PLCH1: variants seen among roughly 807,000 people sequenced by gnomAD.
PLCH1 encodes 1-phosphatidylinositol 4,5-bisphosphate phosphodiesterase eta-1.
A neutral mutation model predicts 126.7 loss-of-function variants in PLCH1; 60 were observed. That is an observed-to-expected ratio of 0.47 (90% CI 0.38 to 0.59). The LOEUF is 0.59. Ranked by LOEUF, PLCH1 falls within the 20% of genes least tolerant of loss-of-function variation. The pLI, the probability that PLCH1 is intolerant of heterozygous loss-of-function variation, is 0.00. For missense variants in PLCH1, 1,723 were observed against 2,040.0 expected, an observed-to-expected ratio of 0.84 and a Z score of 2.99; for synonymous variants, 719 against 734.9, an observed-to-expected ratio of 0.98 and a Z score of 0.35.
At chr3:155,734,899 C>T (rs370277525) in intron 1 of PLCH1, among the ~76,000 whole-genome samples, 1 of 151,906 alleles carries the variant, frequency 6.6e-6, no homozygotes, top group Admixed American at 6.6e-5. Flanking sequence ...TTAGTAGTGA[C>T]GGGGTTTCAC....
Position 155,481,024 on chromosome 3 carries a change from G to A in PLCH1, c.5002C>T (p.Gln1668Ter). 1 of 1,610,396 alleles carries A rather than the reference G, an allele frequency of 6.2e-7. No individual in the cohort carries two copies. The highest frequency in any genetic ancestry group is 8.5e-7 in the Non-Finnish European group (1 of 1,176,876). ...TTATCATCACTGCTTGGCTCAGTCT[G>A]CAAAACAGAATTATCTGAACAAAAC... ...DQFCSDNSVLQTEPSSDDKPE... is the reference protein window; with the variant it reads ...DQFCSDNSVL The change falls in exon 23 of 23, where the codon CAG (glutamine) becomes TAG (stop). Residue 1668 changes from glutamine to a stop codon, truncating the protein, a stop_gained. Coordinates refer to ENST00000460012, the MANE Select transcript of PLCH1 (RefSeq NM_014996.4). LOFTEE classifies it high-confidence loss of function. This position sits in a 1 kb window ranked among gnomAD's most constrained non-coding sequence, Gnocchi z 4.2.
Position 155,494,188 on chromosome 3 carries a change from G to T in PLCH1, c.2135C>A (p.Ala712Glu). Reference sequence around the variant, plus strand: ...GAGGACATAGCCACAATTGCCATTTGCCTTGAATTTGGCTCGGTTTAACTG... The same window carrying T: ...GAGGACATAGCCACAATTGCCATTTTCCTTGAATTTGGCTCGGTTTAACTG... Reference protein sequence around the residue: ...MMQLNRAKFKANGNCGYVLKP... With the variant: ...MMQLNRAKFKENGNCGYVLKP... Residue 712 changes from alanine to glutamate, a missense_variant, in exon 17 of 23, where the codon GCA becomes GAA. This residue lies in a region of PLCH1 where 776 missense variants were observed against 1,062.9 expected (regional missense o/e 0.73). Transcript: ENST00000460012. 1 of 1,614,126 alleles carries T rather than the reference G, an allele frequency of 6.2e-7. No homozygotes were observed. Among genetic ancestry groups the T allele is most frequent in the South Asian group, 1.1e-5 (1 of 91,088 alleles).
intron 20 of PLCH1, among the ~76,000 whole-genome samples, 177 bp from the exon 21 acceptor site, chr3:155,488,284 G>A (rs971502273): frequency 1.8e-4 from 27 of 151,758 alleles, no homozygotes; most frequent in African/African-American, 4.6e-4. Context: ...TGCAAACCCC[G>A]CCTCCTGGGT....
intron 6 of PLCH1, among the ~76,000 whole-genome samples, chr3:155,577,019 T>C (rs1159947637): frequency 6.6e-6 from 1 of 152,178 alleles, no homozygotes; most frequent in African/African-American, 2.4e-5. Flanking sequence ...TGGTGGCATA[T>C]TTTTTAATCT....
chr3:155,624,222 A>C (rs1352103023), intron 2 of PLCH1, among the ~76,000 whole-genome samples: 1 of 152,226 alleles, frequency 6.6e-6, no homozygotes, highest in East Asian at 1.9e-4. Flanking sequence ...AAAAACTCTC[A>C]ATAAACTAGG....
intron 2 of PLCH1, among the ~76,000 whole-genome samples, chr3:155,699,622 C>T (rs1746109500): frequency 6.6e-6 from 1 of 152,182 alleles, no homozygotes; most frequent in Non-Finnish European, 1.5e-5. Flanking sequence ...AACCCTAATT[C>T]ACTTTTGCAT....
At position 155,504,597 on chromosome 3, in the gene PLCH1, T is replaced by C. The variant is rs374422972; in HGVS notation, c.1662A>G (p.Lys554=). Residue 554 remains lysine (K), a synonymous_variant, in exon 13 of 23, where the codon AAA becomes AAG. Transcript: ENST00000460012. ...TGGTCATGAGGGATCGTCCATGTGA[T>C]TTCTTTCCACTTTCCTTTACATCTG... is the stretch of plus-strand genomic sequence containing the variant. ...QSPDVKESGK[K]SHGRSLMTNF... 10 of 1,607,802 alleles carry C rather than the reference T, an allele frequency of 6.2e-6. No homozygotes were observed. Among genetic ancestry groups the C allele is most frequent in the Middle Eastern group, 1.7e-4 (1 of 6,038 alleles).
intron 2 of PLCH1, among the ~76,000 whole-genome samples, chr3:155,652,403 G>C (rs1260098819): frequency 6.6e-6 from 1 of 152,154 alleles, no homozygotes; most frequent in Non-Finnish European, 1.5e-5. Context: ...GGACAAATCT[G>C]ACTCAATCTG....
At position 155,481,139 on chromosome 3, in the gene PLCH1, G is replaced by A; in HGVS notation, c.4887C>T (p.Gly1629=). ...CACCCCCTTTCGTGTTCTTCAGGTA[G>A]CCTGCGATGTAGGAGCCGGTGGAGT... The part of the protein sequence containing the change: ...NRHSTGSYIA[G]YLKNTKGGGL... The change falls in exon 23 of 23, where the codon GGC becomes GGT. Residue 1629 remains glycine (G), a synonymous_variant. Coordinates refer to ENST00000460012, the MANE Select transcript of PLCH1 (RefSeq NM_014996.4). This position sits in a 1 kb window ranked among gnomAD's most constrained non-coding sequence, Gnocchi z 4.2. The A allele has an allele frequency of 6.2e-7, 1 of 1,614,230 alleles. No homozygotes were observed. The highest frequency in any genetic ancestry group is 8.5e-7 in the Non-Finnish European group (1 of 1,180,026).
At chr3:155,492,645 T>C in intron 18 of PLCH1, 84 bp downstream of exon 18, 1 of 1,290,194 alleles carries the variant, frequency 7.8e-7, no homozygotes, top group Non-Finnish European at 1.1e-6. Flanking sequence ...CACATACATC[T>C]CTGAAGACAT....
At chr3:155,656,808 A>G (rs1310733373) in intron 2 of PLCH1, among the ~76,000 whole-genome samples, 1 of 152,220 alleles carries the variant, frequency 6.6e-6, no homozygotes, top group Non-Finnish European at 1.5e-5. Flanking sequence ...TAATCAGATA[A>G]GAAAAAAACA....
chr3:155,663,745 C>T (rs1742435001), intron 2 of PLCH1, among the ~76,000 whole-genome samples: 1 of 152,156 alleles, frequency 6.6e-6, no homozygotes, highest in Non-Finnish European at 1.5e-5. Flanking sequence ...GCTCCATGAA[C>T]TTCCCCTCCA....
At chr3:155,594,429 C>T (rs1320367613) in intron 3 of PLCH1, among the ~76,000 whole-genome samples, 3 of 151,930 alleles carry the variant, frequency 2.0e-5, no homozygotes, top group East Asian at 1.9e-4. Context: ...AAAAATTGGC[C>T]GGGCACGGTG....
intron 10 of PLCH1, among the ~76,000 whole-genome samples, chr3:155,532,760 A>C (rs1028360518): frequency 6.6e-6 from 1 of 151,990 alleles, no homozygotes; most frequent in African/African-American, 2.4e-5. Flanking sequence ...AGTCAATTAA[A>C]CCTCTTTCCT....
intron 14 of PLCH1, among the ~76,000 whole-genome samples, chr3:155,499,013 CTAAT>C (rs1717494722): frequency 6.6e-6 from 1 of 152,124 alleles, no homozygotes; most frequent in Non-Finnish European, 1.5e-5. Flanking sequence ...AAAATAGTAA[CTAAT>C]TAGGAAGGGC....
rs533800978 is a variant in PLCH1 at position 155,490,724 on chromosome 3, A to G, written c.2392+60T>C. 5 of 929,460 alleles carry G rather than the reference A, an allele frequency of 5.4e-6. No individual in the cohort carries two copies. In the South Asian group the frequency reaches 6.9e-5, roughly 13 times the overall value. 57.6% of individuals were successfully genotyped at this position (929,460 alleles called of 1,614,324 possible). On this transcript the variant is annotated intron_variant, in intron 19 of 22. Coordinates refer to ENST00000460012, the MANE Select transcript of PLCH1 (RefSeq NM_014996.4). ...GCTCTTCTACATAGACACTTTTTTT[A>G]GTGTAAATTCTATTTCTAGACCATC...
At chr3:155,591,517 T>C (rs1026879646) in intron 4 of PLCH1, among the ~76,000 whole-genome samples, 12 of 152,216 alleles carry the variant, frequency 7.9e-5, no homozygotes, top group Admixed American at 7.2e-4. Context: ...ATGTGTTCTA[T>C]TGCCAGACAT....
rs568530757 is a variant in PLCH1 at position 155,567,582 on chromosome 3, G to T, written c.865+649C>A. 1.1e-4 allele frequency among the ~76,000 whole-genome samples: 17 copies of T among 152,274 alleles called. No individual in the cohort carries two copies. The South Asian group carries it at 3.3e-3, about 30-fold the overall frequency. On this transcript the variant is annotated intron_variant, in intron 7 of 22. Transcript: ENST00000460012. Reference sequence around the variant, plus strand: ...TAAAGATCATCTGCTCTGCCTGAAAGATCCTCCTCTTGGGTGGCAGCCTAC... The same window carrying T: ...TAAAGATCATCTGCTCTGCCTGAAATATCCTCCTCTTGGGTGGCAGCCTAC...
intron 1 of PLCH1, among the ~76,000 whole-genome samples, chr3:155,737,582 C>G (rs1749292978): frequency 6.6e-6 from 1 of 152,120 alleles, no homozygotes; most frequent in Admixed American, 6.5e-5. Flanking sequence ...TCACATAACC[C>G]TAACTCCTTA....
Sources: gnomAD v4.1 joint callset for allele counts (sites outside exome capture counted in the v4.1 genomes callset) on GRCh38, gnomAD v4.1.1 for gene constraint, gnomAD v4.1.1 regional missense constraint, Gnocchi (gnomAD v3.1) non-coding constraint, MANE v1.5 for transcripts, NCBI Gene and HGNC (gene_info 2026-07-23, HGNC 2026-07-21) for gene names.